Variants in ARL15 observed in about 807,000 individuals in gnomAD.
ARL15 encodes ADP-ribosylation factor-like protein 15.
A neutral mutation model predicts 25.2 loss-of-function variants in ARL15; 19 were observed. The observed-to-expected ratio is 0.75, with a 90% CI of 0.53 to 1.10. The LOEUF (loss-of-function observed/expected upper bound fraction) is 1.10, where lower values mean the gene tolerates loss of function less well. Among genes scored for constraint, ARL15 ranks in the 50% least tolerant of loss-of-function variants. ARL15 has a pLI of 0.00. For synonymous variants in ARL15, 94 were observed against 86.8 expected (o/e 1.08, Z -0.46); for missense variants, 220 against 246.0 (o/e 0.89, Z 0.71).
chr5:54,219,277 G>C (rs1326343787), intron 1 of ARL15, among the ~76,000 whole-genome samples: 1 of 152,160 alleles, frequency 6.6e-6, no homozygotes, highest in Non-Finnish European at 1.5e-5. Flanking sequence ...AAGTTGAATA[G>C]TTCTCTATGT....
At chr5:53,978,819 G>T (rs1350121322) in intron 4 of ARL15, among the ~76,000 whole-genome samples, 1 of 152,046 alleles carries the variant, frequency 6.6e-6, no homozygotes, top group Non-Finnish European at 1.5e-5. Context: ...GGAAGGAGAA[G>T]CACAACCAAT....
At chr5:53,890,832 A>G (rs984584208) in intron 4 of ARL15, among the ~76,000 whole-genome samples, 4 of 152,184 alleles carry the variant, frequency 2.6e-5, no homozygotes, top group Admixed American at 2.6e-4. Flanking sequence ...CACTGCTGCT[A>G]ATGTTTGTAG....
intron 1 of ARL15, among the ~76,000 whole-genome samples, chr5:54,227,275 A>G (rs189768985): frequency 1.3e-5 from 2 of 152,290 alleles, no homozygotes. Flanking sequence ...GCCTGATGAC[A>G]GGATCCCTAC....
intron 4 of ARL15, among the ~76,000 whole-genome samples, chr5:54,027,476 G>A (rs1229951417): frequency 1.3e-5 from 2 of 152,094 alleles, no homozygotes; most frequent in East Asian, 1.9e-4. Flanking sequence ...TTTGCCAAAG[G>A]GGAATTAATT....
chr5:54,287,576 T>A (rs1393673273), intron 1 of ARL15, among the ~76,000 whole-genome samples: 1 of 151,956 alleles, frequency 6.6e-6, no homozygotes, highest in East Asian at 1.9e-4. Flanking sequence ...GACACCTTCC[T>A]AGTCTTTGCA....
At chr5:53,973,082 T>C (rs967893792) in intron 4 of ARL15, among the ~76,000 whole-genome samples, 4 of 152,182 alleles carry the variant, frequency 2.6e-5, no homozygotes, top group Non-Finnish European at 5.9e-5. Context: ...TATTATTTAC[T>C]AGTGATGACA....
chr5:54,150,155 A>G (rs1029659613), intron 3 of ARL15, among the ~76,000 whole-genome samples: 1 of 152,212 alleles, frequency 6.6e-6, no homozygotes, highest in Admixed American at 6.5e-5. Flanking sequence ...AACCACCACA[A>G]CTTTCTAGAA....
At chr5:54,201,641 C>T (rs1192346102) in intron 1 of ARL15, among the ~76,000 whole-genome samples, 3 of 152,080 alleles carry the variant, frequency 2.0e-5, no homozygotes, top group Non-Finnish European at 4.4e-5. Context: ...TACTGATCCC[C>T]ACCCTGCTCT....
At position 54,073,973 on chromosome 5, in the gene ARL15, T is replaced by C. The variant is rs1311139268; in HGVS notation, c.462+39229A>G. 2.0e-5 allele frequency among the ~76,000 whole-genome samples: 3 copies of C among 152,242 alleles called. No homozygotes were observed. In the East Asian group the frequency reaches 5.8e-4, roughly 29 times the overall value. On this transcript the variant is annotated intron_variant, in intron 4 of 4. Transcript: ENST00000504924. ...TGGAGACTGGGTGGGGTCCCGTCATTCCAGGTGTTGCCTTCCAGTCTCATT... is the reference window on the plus strand; with the variant it reads ...TGGAGACTGGGTGGGGTCCCGTCATCCCAGGTGTTGCCTTCCAGTCTCATT...
At chr5:54,226,923 T>C (rs553189661) in intron 1 of ARL15, among the ~76,000 whole-genome samples, 1 of 152,294 alleles carries the variant, frequency 6.6e-6, no homozygotes, top group African/African-American at 2.4e-5. Context: ...TGGTAGTGAA[T>C]AAGTCTCATG....
rs550633292 is a variant in ARL15 at position 54,010,999 on chromosome 5, C to CAA, written c.462+102201_462+102202dup. On this transcript the variant is annotated intron_variant, in intron 4 of 4. Transcript: ENST00000504924. ...CGGGCGACAGAGCAAGGCTCCGTCT[C>CAA]AAAAAAAAAAAAAAAAAATCAGCTC... Among the ~76,000 whole-genome samples the CAA allele has an allele frequency of 9.4e-4, 96 of 101,628 alleles. 1 individual carries two copies. The highest frequency in any genetic ancestry group is 2.4e-3 in the African/African-American group (71 of 30,012). The allele number at this position is 101,628 out of a possible 152,430, so 66.7% of individuals were successfully genotyped here.
At chr5:54,305,093 T>C (rs1040002085) in intron 1 of ARL15, among the ~76,000 whole-genome samples, 1 of 152,214 alleles carries the variant, frequency 6.6e-6, no homozygotes, top group African/African-American at 2.4e-5. Flanking sequence ...CACTGAGACA[T>C]ACATTTTTAT....
At chr5:54,144,143 A>T (rs909974668) in intron 3 of ARL15, among the ~76,000 whole-genome samples, 4 of 152,002 alleles carry the variant, frequency 2.6e-5, no homozygotes, top group Non-Finnish European at 5.9e-5. Context: ...TAATATTTCT[A>T]AGTATGGTTA....
intron 1 of ARL15, among the ~76,000 whole-genome samples, chr5:54,283,199 G>GCAGT (rs1383735019): frequency 6.6e-6 from 1 of 152,212 alleles, no homozygotes; most frequent in Non-Finnish European, 1.5e-5. Flanking sequence ...TTCCAGAGAT[G>GCAGT]CAGTCCTTGA....
chr5:54,217,700 C>T (rs1263265653), intron 1 of ARL15, among the ~76,000 whole-genome samples: 1 of 152,060 alleles, frequency 6.6e-6, no homozygotes, highest in Admixed American at 6.6e-5. Flanking sequence ...TTCACCGTAA[C>T]GATCAGATGT....
At chr5:54,055,182 G>A (rs1750829160) in intron 4 of ARL15, among the ~76,000 whole-genome samples, 1 of 151,878 alleles carries the variant, frequency 6.6e-6, no homozygotes, top group Non-Finnish European at 1.5e-5. Context: ...CCTGGCCCTA[G>A]GCAACCACCA....
At chr5:53,974,332 A>G (rs1747857262) in intron 4 of ARL15, among the ~76,000 whole-genome samples, 1 of 152,198 alleles carries the variant, frequency 6.6e-6, no homozygotes, top group Non-Finnish European at 1.5e-5. Flanking sequence ...GAAAAATGTC[A>G]TTTTTATGAG....
At chr5:54,266,118 A>T (rs145865555) in intron 1 of ARL15, among the ~76,000 whole-genome samples, 35 of 152,350 alleles carry the variant, frequency 2.3e-4, no homozygotes, top group Non-Finnish European at 4.4e-4. Flanking sequence ...AACTTCATTA[A>T]CTGCCAGTTG....
At chr5:53,984,313 G>T (rs983610529) in intron 4 of ARL15, among the ~76,000 whole-genome samples, 7 of 151,910 alleles carry the variant, frequency 4.6e-5, no homozygotes, top group Non-Finnish European at 1.0e-4. Context: ...CACTATTCTT[G>T]GTGTGGTCTT....
Sources: gnomAD v4.1 joint callset for allele counts (sites outside exome capture counted in the v4.1 genomes callset) on GRCh38, gnomAD v4.1.1 for gene constraint, MANE v1.5 for transcripts, NCBI Gene and HGNC (gene_info 2026-07-23, HGNC 2026-07-21) for gene names.